Variants in ST3GAL4 observed in about 807,000 individuals in gnomAD.
ST3GAL4 encodes CMP-N-acetylneuraminate-beta-galactosamide-alpha-2,3-sialyltransferase 4.
ST3GAL4 carries 24 observed loss-of-function variants against 42.6 expected under a neutral mutation model. The observed-to-expected ratio is 0.56, with a 90% CI of 0.41 to 0.79. The LOEUF is 0.79. Among genes scored for constraint, ST3GAL4 ranks in the 30% least tolerant of loss-of-function variants. The probability of loss-of-function intolerance (pLI) is 0.00; values close to 1 mark genes in which losing one functional copy is unlikely to be tolerated. For missense variants in ST3GAL4, 311 were observed against 430.8 expected, an observed-to-expected ratio of 0.72 and a Z score of 2.46; for synonymous variants, 135 against 163.2, an observed-to-expected ratio of 0.83 and a Z score of 1.32.
chr11:126,411,268 C>T lies in ST3GAL4; in HGVS notation c.771+1857C>T, dbSNP rs984617698. On this transcript the variant is annotated intron_variant, in intron 9 of 10. Transcript: ENST00000444328. The surrounding 1 kb of genome is among the most constrained non-coding windows in gnomAD (Gnocchi z 6.3). Reference sequence around the variant, plus strand: ...TCAAGTGATTCTCCTGCCTCAGCCTCCCAAGTAGCTGGGATTACAGGCATG... The same window carrying T: ...TCAAGTGATTCTCCTGCCTCAGCCTTCCAAGTAGCTGGGATTACAGGCATG... 6.6e-6 allele frequency among the ~76,000 whole-genome samples: 1 copy of T among 151,968 alleles called. No individual in the cohort carries two copies. The highest frequency in any genetic ancestry group is 2.1e-4 in the South Asian group (1 of 4,820).
chr11:126,379,965 A>G lies in ST3GAL4; in HGVS notation c.-61+24123A>G, dbSNP rs986038691. Among the ~76,000 whole-genome samples, 3 of 152,090 alleles carry G rather than the reference A, an allele frequency of 2.0e-5. No individual in the cohort carries two copies. Among genetic ancestry groups the G allele is most frequent in the Admixed American group, 1.3e-4 (2 of 15,262 alleles). ...GCAGTTGTTCTCTGCTGTCTTTTAC[A>G]AAAGAGCTAGTCTCGGCCGGGCACA... On this transcript the variant is annotated intron_variant, in intron 1 of 10. Transcript: ENST00000444328. The surrounding 1 kb of genome is among the most constrained non-coding windows in gnomAD (Gnocchi z 4.2).
rs1215146720 is a variant in ST3GAL4, at chr11:126,406,545, G to C, written c.89G>C (p.Arg30Thr). 3 of 1,614,230 alleles carry C rather than the reference G, an allele frequency of 1.9e-6. No homozygotes were observed. The highest frequency in any genetic ancestry group is 2.5e-6 in the Non-Finnish European group (3 of 1,180,038). ...TGGTATTCCATCTCCCGGGAAGACAGGTACATCGAGCTGTGAGTTCACCTT... is the reference window on the plus strand; with the variant it reads ...TGGTATTCCATCTCCCGGGAAGACACGTACATCGAGCTGTGAGTTCACCTT... ...MVWYSISREDRYIELFYFPIP... is the reference protein window; with the variant it reads ...MVWYSISREDTYIELFYFPIP... The change falls in exon 3 of 11, where the codon AGG (arginine) becomes ACG (threonine). Residue 30 changes from arginine (R) to threonine (T), a missense_variant. Transcript: ENST00000444328. The surrounding 1 kb of genome is among the most constrained non-coding windows in gnomAD (Gnocchi z 5.4).
chr11:126,413,126 A>G (rs745601452), intron 9 of ST3GAL4, among the ~76,000 whole-genome samples: 5 of 151,966 alleles, frequency 3.3e-5, no homozygotes, highest in Non-Finnish European at 5.9e-5. Flanking sequence ...GGGGGGTCTC[A>G]CTATGTTGCC....
rs912620165 is a variant in ST3GAL4, at chr11:126,392,747, T to C, written c.-60-13349T>C. Among the ~76,000 whole-genome samples the C allele has an allele frequency of 1.3e-5, 2 of 152,166 alleles. No homozygotes were observed. Among genetic ancestry groups the C allele is most frequent in the Non-Finnish European group, 2.9e-5 (2 of 68,026 alleles). On this transcript the variant is annotated intron_variant, in intron 1 of 10. Coordinates refer to ENST00000444328, the MANE Select transcript of ST3GAL4 (RefSeq NM_001254757.2). This position sits in a 1 kb window ranked among gnomAD's most constrained non-coding sequence, Gnocchi z 5.8. ...GTGGTCTAATTGGTACTTGGGACAG[T>C]GTGGTTTAACTGCCACAAAGTTAAT...
rs575995373 is a variant in ST3GAL4, at chr11:126,373,822, C to T, written c.-61+17980C>T. Reference sequence around the variant, plus strand: ...ACTCTAATGAGCCAGGAAGCCTCCCCGTGCCCAGGCGTGCTGTGATCACAG... The same window carrying T: ...ACTCTAATGAGCCAGGAAGCCTCCCTGTGCCCAGGCGTGCTGTGATCACAG... On this transcript the variant is annotated intron_variant, in intron 1 of 10. Coordinates refer to ENST00000444328, the MANE Select transcript of ST3GAL4 (RefSeq NM_001254757.2). This position sits in a 1 kb window ranked among gnomAD's most constrained non-coding sequence, Gnocchi z 5.5. Among the ~76,000 whole-genome samples, 59 of 152,090 alleles carry T rather than the reference C, an allele frequency of 3.9e-4. No homozygotes were observed. The South Asian group carries it at 5.4e-3, about 14-fold the overall frequency.
At chr11:126,374,475 A>G (rs1952761495) in intron 1 of ST3GAL4, among the ~76,000 whole-genome samples, 1 of 151,468 alleles carries the variant, frequency 6.6e-6, no homozygotes, top group Non-Finnish European at 1.5e-5. Flanking sequence ...AAAAAAAAAA[A>G]AAATAGAGAA....
At chr11:126,360,630 G>T (rs1018109220) in intron 1 of ST3GAL4, among the ~76,000 whole-genome samples, 4 of 152,098 alleles carry the variant, frequency 2.6e-5, no homozygotes, top group African/African-American at 4.8e-5. Context: ...CATCATGTTG[G>T]CCAGGCTGGT....
rs1953833296 is a variant in ST3GAL4, at chr11:126,397,547, T to C, written c.-60-8549T>C. Reference sequence around the variant, plus strand: ...TCAAGCCTTCGTAGGAGAGGAACCATTTCAGCCCGATATTACCAGAGTGGG... The same window carrying C: ...TCAAGCCTTCGTAGGAGAGGAACCACTTCAGCCCGATATTACCAGAGTGGG... On this transcript the variant is annotated intron_variant, in intron 1 of 10. Transcript: ENST00000444328. The surrounding 1 kb of genome is among the most constrained non-coding windows in gnomAD (Gnocchi z 5.0). Among the ~76,000 whole-genome samples, 1 of 152,190 alleles carries C rather than the reference T, an allele frequency of 6.6e-6. No individual in the cohort carries two copies. Among genetic ancestry groups the C allele is most frequent in the Admixed American group, 6.5e-5 (1 of 15,278 alleles).
rs575036017 is a variant in ST3GAL4 at position 126,402,451 on chromosome 11, GA to G, written c.-60-3627del. On this transcript the variant is annotated intron_variant, in intron 1 of 10. Coordinates refer to ENST00000444328, the MANE Select transcript of ST3GAL4 (RefSeq NM_001254757.2). Reference sequence around the variant, plus strand: ...CCTGGGCGATAGAGCAAGACTGTCTGAAAAAAAAAAAAAAAAAAGAAGAAGA... The same window carrying G: ...CCTGGGCGATAGAGCAAGACTGTCTGAAAAAAAAAAAAAAAAAGAAGAAGA... Among the ~76,000 whole-genome samples, 327 of 100,968 alleles carry G rather than the reference GA, an allele frequency of 3.2e-3. 1 individual carries two copies. The highest frequency in any genetic ancestry group is 0.012 in the Middle Eastern group (2 of 164). The allele number at this position is 100,968 out of a possible 152,430, so 66.2% of individuals were successfully genotyped here.
chr11:126,407,738 C>T, intron 6 of ST3GAL4, 104 bp downstream of exon 6: 1 of 1,195,478 alleles, frequency 8.4e-7, no homozygotes. Flanking sequence ...CAGTCATGGA[C>T]TGGTACCATC....
chr11:126,383,626 T>G lies in ST3GAL4; in HGVS notation c.-60-22470T>G, dbSNP rs1016407798. Among the ~76,000 whole-genome samples, 1 of 152,068 alleles carries G rather than the reference T, an allele frequency of 6.6e-6. No individual in the cohort carries two copies. The highest frequency in any genetic ancestry group is 6.6e-5 in the Admixed American group (1 of 15,266). ...GACCAAGCTTGCGGGCGCCTGAGTATGGACTAGTGTGTTTGTGCTGGAGGA... is the reference window on the plus strand; with the variant it reads ...GACCAAGCTTGCGGGCGCCTGAGTAGGGACTAGTGTGTTTGTGCTGGAGGA... On this transcript the variant is annotated intron_variant, in intron 1 of 10. Transcript: ENST00000444328. This position sits in a 1 kb window ranked among gnomAD's most constrained non-coding sequence, Gnocchi z 4.5.
chr11:126,408,582 G>A (rs1591492970), intron 8 of ST3GAL4, 86 bp downstream of exon 8: 2 of 1,495,344 alleles, frequency 1.3e-6, no homozygotes, highest in Non-Finnish European at 1.8e-6. Context: ...ATGTCCGCCT[G>A]GCAGTCCTAA....
intron 1 of ST3GAL4, among the ~76,000 whole-genome samples, chr11:126,381,036 C>T (rs1464220578): frequency 6.6e-6 from 1 of 152,230 alleles, no homozygotes. Context: ...TAGACAAGAA[C>T]ATGGGGTGCA....
chr11:126,387,408 T>G (rs553620497), intron 1 of ST3GAL4, among the ~76,000 whole-genome samples: 93 of 152,242 alleles, frequency 6.1e-4, no homozygotes, highest in Non-Finnish European at 6.6e-4. Flanking sequence ...CCAGGTGTGG[T>G]GGCTCACACC....
intron 8 of ST3GAL4, 118 bp downstream of exon 8, chr11:126,408,614 T>C (rs926560608): frequency 1.6e-6 from 2 of 1,266,224 alleles, no homozygotes; most frequent in Middle Eastern, 2.4e-4. Context: ...GGGGACAGCA[T>C]GAACCGGGCT....
At chr11:126,364,308 G>A (rs1427271170) in intron 1 of ST3GAL4, among the ~76,000 whole-genome samples, 1 of 149,882 alleles carries the variant, frequency 6.7e-6, no homozygotes, top group Admixed American at 6.7e-5. Context: ...GGCTGGAAAG[G>A]ACACAGGGAC....
chr11:126,399,017 T>G (rs1397129373), intron 1 of ST3GAL4, among the ~76,000 whole-genome samples: 4 of 152,210 alleles, frequency 2.6e-5, no homozygotes, highest in Non-Finnish European at 5.9e-5. Context: ...AGGTCATCTC[T>G]GCAGTACCTT....
At position 126,372,398 on chromosome 11, in the gene ST3GAL4, TTTTTC is replaced by T. The variant is rs536024499; in HGVS notation, c.-61+16576_-61+16580del. Among the ~76,000 whole-genome samples, 130 of 151,942 alleles carry T rather than the reference TTTTTC, an allele frequency of 8.6e-4. 1 individual carries two copies. Among genetic ancestry groups the T allele is most frequent in the African/African-American group, 2.6e-3 (107 of 41,498 alleles). On this transcript the variant is annotated intron_variant, in intron 1 of 10. Transcript: ENST00000444328. ...GTTGCAGTGTATGTCAGAATTTCTT[TTTTTC>T]TTTTCTTTTCTTTTCTTTTTTTTTT...
At chr11:126,389,523 C>T (rs906772606) in intron 1 of ST3GAL4, among the ~76,000 whole-genome samples, 17 of 152,220 alleles carry the variant, frequency 1.1e-4, no homozygotes, top group African/African-American at 2.2e-4. Context: ...TGTTTTTGGA[C>T]GCATACTTTG....
Sources: gnomAD v4.1 joint callset for allele counts (sites outside exome capture counted in the v4.1 genomes callset) on GRCh38, gnomAD v4.1.1 for gene constraint, Gnocchi (gnomAD v3.1) non-coding constraint, MANE v1.5 for transcripts, NCBI Gene and HGNC (gene_info 2026-07-23, HGNC 2026-07-21) for gene names.